DST: variants seen among roughly 807,000 people sequenced by gnomAD.
DST encodes the protein bullous pemphigoid antigen.
DST carries 253 observed loss-of-function variants against 875.2 expected under a neutral mutation model. The observed-to-expected ratio is 0.29, with a 90% CI of 0.26 to 0.32. The LOEUF (loss-of-function observed/expected upper bound fraction) is 0.32. DST is among the 10% of genes least tolerant of loss of function. DST has a pLI of 1.00. For missense variants in DST, 8,287 were observed against 9,111.6 expected (o/e 0.91, Z 3.68); for synonymous variants, 3,124 against 3,197.1 (o/e 0.98, Z 0.77).
At chr6:56,600,798 A>T (rs899969917) in intron 44 of DST, among the ~76,000 whole-genome samples, 2 of 152,070 alleles carry the variant, frequency 1.3e-5, no homozygotes, top group African/African-American at 4.8e-5. Flanking sequence ...AGTCAACACT[A>T]ATTACTTGCA....
rs1172492395 is a variant in DST at position 56,597,915 on chromosome 6, G to A, written c.12020C>T (p.Ala4007Val). Residue 4007 changes from alanine (A) to valine (V), a missense_variant, in exon 47 of 104, where the codon GCA (alanine) becomes GTA (valine). By Grantham distance (64) the Ala-to-Val change is moderately conservative (BLOSUM62 0). Coordinates refer to ENST00000680361, the MANE Select transcript of DST (RefSeq NM_001374736.1). Reference protein sequence around the residue: ...LSNVDKDSERAGTKHKQVIEQ... With the variant: ...LSNVDKDSERVGTKHKQVIEQ... ...GATTACCTGTTTGTGTTTTGTCCCTGCCCTTTCTGAGTCTTTGTCAACATT... is the reference window on the plus strand; with the variant it reads ...GATTACCTGTTTGTGTTTTGTCCCTACCCTTTCTGAGTCTTTGTCAACATT... 6.2e-7 allele frequency: 1 copy of A among 1,613,568 alleles called. No individual in the cohort carries two copies. Among genetic ancestry groups the A allele is most frequent in the South Asian group, 1.1e-5 (1 of 91,010 alleles).
chr6:56,902,195 A>G (rs779777056), intron 2 of DST, among the ~76,000 whole-genome samples: 4 of 152,240 alleles, frequency 2.6e-5, no homozygotes, highest in Non-Finnish European at 5.9e-5. Flanking sequence ...TGCTGGTATG[A>G]GGGTACAAGC....
At chr6:56,698,839 C>T (rs1384971253) in intron 9 of DST, among the ~76,000 whole-genome samples, 2 of 152,140 alleles carry the variant, frequency 1.3e-5, no homozygotes, top group African/African-American at 4.8e-5. Flanking sequence ...TCAGGGGGTA[C>T]AAGTGCGGAT....
At chr6:56,906,524 T>C (rs1796491309) in intron 2 of DST, among the ~76,000 whole-genome samples, 1 of 152,066 alleles carries the variant, frequency 6.6e-6, no homozygotes, top group South Asian at 2.1e-4. Context: ...GGAAGAGTCA[T>C]TAGCATAATA....
intron 5 of DST, among the ~76,000 whole-genome samples, chr6:56,709,362 A>C (rs2099353553): frequency 1.3e-5 from 2 of 152,238 alleles, no homozygotes; most frequent in Non-Finnish European, 2.9e-5. Flanking sequence ...CCAGGTCTGT[A>C]TTACCTAAAT....
intron 5 of DST, among the ~76,000 whole-genome samples, chr6:56,725,692 A>G (rs1480318627): frequency 6.6e-6 from 1 of 152,218 alleles, no homozygotes; most frequent in Non-Finnish European, 1.5e-5. Context: ...ACGATAGTAT[A>G]TGCATTAAAT....
intron 45 of DST, 105 bp downstream of exon 45, chr6:56,599,964 A>T (rs2152701042): frequency 8.5e-7 from 1 of 1,175,116 alleles, no homozygotes. Context: ...CTTGCTTCTA[A>T]AAAGCTAAAA....
chr6:56,488,459 T>C (rs1200399606), intron 86 of DST, among the ~76,000 whole-genome samples: 1 of 152,178 alleles, frequency 6.6e-6, no homozygotes, highest in Non-Finnish European at 1.5e-5. Context: ...CTCCCAATAT[T>C]GAATGTGGCA....
intron 47 of DST, among the ~76,000 whole-genome samples, 181 bp from the exon 48 acceptor site, chr6:56,594,374 A>G (rs1324478689): frequency 6.6e-6 from 1 of 152,156 alleles, no homozygotes; most frequent in East Asian, 1.9e-4. Flanking sequence ...ATAACAAGGC[A>G]TTTTGAGCAT....
intron 4 of DST, among the ~76,000 whole-genome samples, chr6:56,844,761 T>C (rs970677348): frequency 5.9e-5 from 9 of 151,758 alleles, no homozygotes; most frequent in African/African-American, 1.7e-4. Context: ...TAATCCCAGC[T>C]ACTCGGGAGG....
intron 3 of DST, among the ~76,000 whole-genome samples, chr6:56,880,149 C>A (rs911205711): frequency 1.3e-5 from 2 of 152,200 alleles, no homozygotes; most frequent in African/African-American, 4.8e-5. Flanking sequence ...TTCACCCTGA[C>A]TTCTCACCTT....
chr6:56,701,860 T>A, intron 8 of DST, 28 bp downstream of exon 8: 1 of 1,368,002 alleles, frequency 7.3e-7, no homozygotes, highest in South Asian at 1.2e-5. Flanking sequence ...TATATTTATA[T>A]GATTACAGTA....
At chr6:56,523,956 G>T (rs2096751004) in intron 69 of DST, among the ~76,000 whole-genome samples, 1 of 152,108 alleles carries the variant, frequency 6.6e-6, no homozygotes, top group African/African-American at 2.4e-5. Flanking sequence ...AAGAGACTCA[G>T]AATGGTAATT....
intron 2 of DST, among the ~76,000 whole-genome samples, chr6:56,940,359 A>G (rs1815839598): frequency 6.6e-6 from 1 of 152,088 alleles, no homozygotes; most frequent in Non-Finnish European, 1.5e-5. Flanking sequence ...AATAAATTGC[A>G]CCCATCTAAA....
intron 37 of DST, 106 bp from the exon 38 acceptor site, chr6:56,611,702 T>C (rs2098546720): frequency 5.3e-6 from 4 of 754,636 alleles, no homozygotes; most frequent in African/African-American, 3.6e-5. Context: ...CCCAAGTCTA[T>C]TTTCTGGGTG....
Position 56,459,151 on chromosome 6 carries a change from C to T in DST, c.23311G>A (p.Val7771Met), listed in dbSNP as rs774765327. 1.2e-5 allele frequency: 20 copies of T among 1,613,840 alleles called. No individual in the cohort carries two copies. Among genetic ancestry groups the T allele is most frequent in the East Asian group, 4.5e-5 (2 of 44,880 alleles). ...SDFDISEIQS[V>M]CSDVETVPQT... is the part of the protein sequence containing the mutation. ...GGGACAGTTTCCACATCTGAGCACACGGACTGGATTTCTGAAATGTCAAAG... is the reference window on the plus strand; with the variant it reads ...GGGACAGTTTCCACATCTGAGCACATGGACTGGATTTCTGAAATGTCAAAG... Residue 7771 changes from valine (V) to methionine (M), a missense_variant, in exon 104 of 104, where the codon GTG (valine) becomes ATG (methionine). By Grantham distance (21) the Val-to-Met change is conservative. Transcript: ENST00000680361.
At chr6:56,887,817 T>C (rs1244299091) in intron 3 of DST, among the ~76,000 whole-genome samples, 4 of 152,160 alleles carry the variant, frequency 2.6e-5, no homozygotes, top group Non-Finnish European at 4.4e-5. Flanking sequence ...TTAATCTTGG[T>C]TTCATGAGTT....
chr6:56,763,684 T>TACACACACACACACACACAC (rs553580754), intron 4 of DST, among the ~76,000 whole-genome samples: 20 of 117,098 alleles, frequency 1.7e-4, no homozygotes, highest in African/African-American at 4.8e-4. Flanking sequence ...AAAATACCTA[T>TACACACACACACACACACAC]ACACACACAC....
chr6:56,721,311 A>T (rs1406364296), intron 5 of DST, among the ~76,000 whole-genome samples: 1 of 152,236 alleles, frequency 6.6e-6, no homozygotes, highest in Non-Finnish European at 1.5e-5. Flanking sequence ...CAGTTAACGC[A>T]ATTATCACAG....
Sources: allele counts gnomAD v4.1 joint callset (sites outside exome capture counted in the v4.1 genomes callset), GRCh38; gene constraint gnomAD v4.1.1; transcripts MANE v1.5; gene names NCBI Gene and HGNC (gene_info 2026-07-23, HGNC 2026-07-21).